The following KIAA0930 variants were observed in gnomAD, a reference collection of about 807,000 sequenced individuals.
KIAA0930 encodes KIAA0930, also known as uncharacterized protein KIAA0930.
A neutral mutation model predicts 43.9 loss-of-function variants in KIAA0930; 24 were observed. The ratio of observed to expected loss-of-function variants is 0.55; its 90% confidence interval spans 0.40 to 0.77. The LOEUF (loss-of-function observed/expected upper bound fraction) is 0.77. KIAA0930 is among the 30% of genes least tolerant of loss of function. KIAA0930 has a pLI of 0.00. For missense variants in KIAA0930, 461 were observed against 574.2 expected, an observed-to-expected ratio of 0.80 and a Z score of 2.02; for synonymous variants, 259 against 216.4, an observed-to-expected ratio of 1.20 and a Z score of -1.73.
chr22:45,206,031 T>C (rs2083635230), intron 2 of KIAA0930, 119 bp from the exon 3 acceptor site: 6 of 1,511,078 alleles, frequency 4.0e-6, no homozygotes, highest in Non-Finnish European at 5.3e-6. Flanking sequence ...CTTACTATTT[T>C]TTGAGACAGG....
rs2083603883 is a variant in KIAA0930 at position 45,203,059 on chromosome 22, C to T, written c.783G>A (p.Val261=). 1.2e-6 allele frequency: 2 copies of T among 1,613,720 alleles called. No homozygotes were observed. The highest frequency in any genetic ancestry group is 1.7e-6 in the Non-Finnish European group (2 of 1,179,922). The part of the protein sequence containing the change: ...KGHAEMAVSR[V]STGDTSPCGT... ...CACAGGGGGATGTGTCACCTGTAGACACTCGGCTGACCGCCATCTCGGCGT... is the reference window on the plus strand; with the variant it reads ...CACAGGGGGATGTGTCACCTGTAGATACTCGGCTGACCGCCATCTCGGCGT... Residue 261 remains valine, a synonymous_variant, in exon 7 of 10, where the codon GTG becomes GTA. Transcript: ENST00000336156.
chr22:45,233,371 G>A (rs1334886004), intron 1 of KIAA0930, among the ~76,000 whole-genome samples: 2 of 152,164 alleles, frequency 1.3e-5, no homozygotes, highest in African/African-American at 4.8e-5. Context: ...TGAGGTTCAA[G>A]TGGAACGGGT....
chr22:45,205,771 C>CCCA, intron 3 of KIAA0930, 22 bp downstream of exon 3: 1 of 710,688 alleles, frequency 1.4e-6, no homozygotes. Context: ...CAATCCGCAG[C>CCCA]CCCACCCATC....
intron 1 of KIAA0930, among the ~76,000 whole-genome samples, chr22:45,216,622 C>A (rs1344750419): frequency 1.3e-5 from 2 of 152,178 alleles, no homozygotes; most frequent in Non-Finnish European, 2.9e-5. Context: ...TCTCCCTTCA[C>A]CCTTTCCCAG....
chr22:45,204,818 T>C (rs1279329999), intron 5 of KIAA0930, among the ~76,000 whole-genome samples: 3 of 151,900 alleles, frequency 2.0e-5, no homozygotes, highest in Admixed American at 1.3e-4. Context: ...CCCATCCCTC[T>C]TTGACATCCT....
At chr22:45,202,376 G>GC (rs911585532) in intron 7 of KIAA0930, among the ~76,000 whole-genome samples, 1 of 152,258 alleles carries the variant, frequency 6.6e-6, no homozygotes, top group Non-Finnish European at 1.5e-5. Context: ...AGGGCCCCAA[G>GC]CCCAGTGCTA....
chr22:45,204,077 A>G, intron 5 of KIAA0930, 92 bp from the exon 6 acceptor site: 1 of 1,552,260 alleles, frequency 6.4e-7, no homozygotes, highest in Middle Eastern at 1.7e-4. Flanking sequence ...GGCTGCTCAG[A>G]AAACCCCATT....
intron 7 of KIAA0930, among the ~76,000 whole-genome samples, chr22:45,201,900 C>G (rs944163961): frequency 1.8e-4 from 27 of 152,368 alleles, no homozygotes; most frequent in African/African-American, 5.8e-4. Context: ...TACATTCCCA[C>G]GCCTCTGCTT....
chr22:45,236,883 GC>G (rs2083891428), intron 1 of KIAA0930, among the ~76,000 whole-genome samples: 1 of 152,210 alleles, frequency 6.6e-6, no homozygotes, highest in African/African-American at 2.4e-5. Flanking sequence ...CAAATGCCAG[GC>G]ACAAATTGCT....
chr22:45,203,770 G>T, intron 6 of KIAA0930, 75 bp downstream of exon 6: 1 of 1,536,550 alleles, frequency 6.5e-7, no homozygotes, highest in South Asian at 1.2e-5. Flanking sequence ...GGGCCCCATG[G>T]TATGGACCAC....
At chr22:45,227,721 G>A (rs1388984793) in intron 1 of KIAA0930, among the ~76,000 whole-genome samples, 1 of 152,214 alleles carries the variant, frequency 6.6e-6, no homozygotes, top group Non-Finnish European at 1.5e-5. Context: ...GTCCCCGGGA[G>A]AGAACGGGCC....
At chr22:45,215,051 C>T (rs2083723052) in intron 1 of KIAA0930, among the ~76,000 whole-genome samples, 2 of 152,118 alleles carry the variant, frequency 1.3e-5, no homozygotes, top group Non-Finnish European at 2.9e-5. Flanking sequence ...AACCCCATGT[C>T]TATTAAAAAT....
At chr22:45,225,278 T>C (rs1200328566) in intron 1 of KIAA0930, among the ~76,000 whole-genome samples, 1 of 152,002 alleles carries the variant, frequency 6.6e-6, no homozygotes, top group Non-Finnish European at 1.5e-5. Context: ...ACAAAGGCAC[T>C]GTCCAGGGAG....
chr22:45,212,486 A>T, intron 1 of KIAA0930: 1 of 1,429,586 alleles, frequency 7.0e-7, no homozygotes, highest in Non-Finnish European at 9.1e-7. Flanking sequence ...GCTGGGGGGG[A>T]GCCTTTGGAG....
At chr22:45,212,478 T>G in intron 1 of KIAA0930, 2 of 1,442,282 alleles carry the variant, frequency 1.4e-6, no homozygotes, top group African/African-American at 2.9e-5. Flanking sequence ...AAGGCTTGGC[T>G]GGGGGGGAGC....
chr22:45,228,447 C>T (rs1214289057), intron 1 of KIAA0930, among the ~76,000 whole-genome samples: 1 of 152,184 alleles, frequency 6.6e-6, no homozygotes, highest in Non-Finnish European at 1.5e-5. Flanking sequence ...CGCTCTGAGG[C>T]TCTAGGTCTG....
At chr22:45,238,597 G>A (rs1396270490) in intron 1 of KIAA0930, among the ~76,000 whole-genome samples, 1 of 152,218 alleles carries the variant, frequency 6.6e-6, no homozygotes, top group Non-Finnish European at 1.5e-5. Context: ...TGCTTGTGGG[G>A]CACATGAGTA....
intron 2 of KIAA0930, among the ~76,000 whole-genome samples, chr22:45,210,311 G>A (rs905169402): frequency 6.6e-6 from 1 of 152,176 alleles, no homozygotes; most frequent in Admixed American, 6.5e-5. Context: ...CAGAGGGCCT[G>A]AGCCTCCGAG....
intron 1 of KIAA0930, among the ~76,000 whole-genome samples, chr22:45,225,730 C>A (rs2083795260): frequency 6.6e-6 from 1 of 152,226 alleles, no homozygotes; most frequent in South Asian, 2.1e-4. Context: ...CCCACCCCAG[C>A]ACCGGCCTTC....
Sources: gnomAD v4.1 joint callset for allele counts (sites outside exome capture counted in the v4.1 genomes callset) on GRCh38, gnomAD v4.1.1 for gene constraint, MANE v1.5 for transcripts, NCBI Gene and HGNC (gene_info 2026-07-23, HGNC 2026-07-21) for gene names.